Variants in CNNM1 observed in about 807,000 individuals in gnomAD.
CNNM1 encodes the protein metal transporter CNNM1.
CNNM1 carries 44 observed loss-of-function variants against 78.8 expected under a neutral mutation model. That is an observed-to-expected ratio of 0.56 (90% confidence interval 0.44 to 0.72). CNNM1 has a LOEUF of 0.72. Among genes scored for constraint, CNNM1 ranks in the 30% least tolerant of loss-of-function variants. The pLI is 0.00. For missense variants in CNNM1, 1,101 were observed against 1,292.2 expected, an observed-to-expected ratio of 0.85 and a Z score of 2.27; for synonymous variants, 584 against 581.5, an observed-to-expected ratio of 1.00 and a Z score of -0.06.
intron 6 of CNNM1, among the ~76,000 whole-genome samples, chr10:99,367,058 G>A (rs1025129026): frequency 7.9e-5 from 12 of 152,002 alleles, no homozygotes; most frequent in South Asian, 2.1e-4. Flanking sequence ...CATCCTCCCC[G>A]AACCCATACT....
In CNNM1 at chr10:99,393,065, C is replaced by G. The variant is rs1438022524; in HGVS notation, c.*1549C>G. The G allele has an allele frequency of 6.6e-6, 1 of 152,204 alleles. No homozygotes were observed. The highest frequency in any genetic ancestry group is 1.5e-5 in the Non-Finnish European group (1 of 68,050). 9.4% of individuals were successfully genotyped at this position (152,204 alleles called of 1,614,324 possible). A position where few individuals can be genotyped will look rare whatever the true frequency, so the allele number is the denominator to read the frequency against. On this transcript the variant is annotated 3_prime_UTR_variant, in exon 11 of 11. Transcript: ENST00000356713. Reference sequence around the variant, plus strand: ...TAAGTGAAATTTGTCTTCAGAATAACTATCTCCCTTTCTGATCTGTCTCCT... The same window carrying G: ...TAAGTGAAATTTGTCTTCAGAATAAGTATCTCCCTTTCTGATCTGTCTCCT...
At chr10:99,379,769 G>A (rs780549685) in intron 7 of CNNM1, among the ~76,000 whole-genome samples, 1 of 151,798 alleles carries the variant, frequency 6.6e-6, no homozygotes, top group Non-Finnish European at 1.5e-5. Flanking sequence ...ATGAGCCACG[G>A]CACTCAGCCA....
At chr10:99,346,430 T>A (rs2030698994) in intron 1 of CNNM1, among the ~76,000 whole-genome samples, 1 of 152,210 alleles carries the variant, frequency 6.6e-6, no homozygotes, top group Non-Finnish European at 1.5e-5. Flanking sequence ...CCTGGCACAG[T>A]GCCTACCCAT....
chr10:99,369,370 T>C (rs2031730184), intron 6 of CNNM1, among the ~76,000 whole-genome samples: 1 of 152,244 alleles, frequency 6.6e-6, no homozygotes, highest in Non-Finnish European at 1.5e-5. Flanking sequence ...AATGTATTTG[T>C]TAAATTGCCC....
chr10:99,373,759 C>T (rs1275613686), intron 6 of CNNM1, among the ~76,000 whole-genome samples: 2 of 152,062 alleles, frequency 1.3e-5, no homozygotes, highest in African/African-American at 2.4e-5. Flanking sequence ...CCTATGTCCA[C>T]TTGTACATAT....
At chr10:99,340,402 A>G (rs1286453004) in intron 1 of CNNM1, among the ~76,000 whole-genome samples, 1 of 152,220 alleles carries the variant, frequency 6.6e-6, no homozygotes, top group Non-Finnish European at 1.5e-5. Context: ...CTGCAGTTAA[A>G]TTCCATTTTT....
At chr10:99,366,417 AG>A (rs2031620034) in intron 6 of CNNM1, among the ~76,000 whole-genome samples, 1 of 151,988 alleles carries the variant, frequency 6.6e-6, no homozygotes, top group Non-Finnish European at 1.5e-5. Flanking sequence ...GGAAATTCTG[AG>A]AAAAAAAGAC....
At chr10:99,356,453 C>T (rs186226396) in intron 1 of CNNM1, among the ~76,000 whole-genome samples, 5 of 147,632 alleles carry the variant, frequency 3.4e-5, no homozygotes, top group East Asian at 4.0e-4. Context: ...TCCAGCCTGG[C>T]GACAGAGAGA....
At chr10:99,387,730 C>G in intron 7 of CNNM1, 90 bp from the exon 8 acceptor site, 1 of 1,337,060 alleles carries the variant, frequency 7.5e-7, no homozygotes, top group Admixed American at 2.7e-5. Flanking sequence ...CCAAGCACCC[C>G]AGCGAGGCTG....
At chr10:99,358,925 G>C (rs1220098678) in intron 2 of CNNM1, among the ~76,000 whole-genome samples, 1 of 148,676 alleles carries the variant, frequency 6.7e-6, no homozygotes, top group East Asian at 2.0e-4. Context: ...CTTGAGCCTG[G>C]GAGGTCCTGG....
intron 1 of CNNM1, among the ~76,000 whole-genome samples, chr10:99,348,974 G>T (rs893159157): frequency 6.6e-6 from 1 of 152,174 alleles, no homozygotes; most frequent in African/African-American, 2.4e-5. Flanking sequence ...GGAGGCTGAG[G>T]TGGGAGGATC....
At chr10:99,364,098 G>A (rs2031528179) in intron 4 of CNNM1, among the ~76,000 whole-genome samples, 3 of 152,078 alleles carry the variant, frequency 2.0e-5, no homozygotes, top group South Asian at 2.1e-4. Flanking sequence ...AAACCAGTGG[G>A]GCAGTTTATG....
At chr10:99,357,223 A>G (rs1374572395) in intron 1 of CNNM1, among the ~76,000 whole-genome samples, 4 of 152,208 alleles carry the variant, frequency 2.6e-5, no homozygotes, top group Non-Finnish European at 5.9e-5. Flanking sequence ...ATATTATATC[A>G]GCTAACATAT....
chr10:99,329,434 G>A lies in CNNM1; in HGVS notation c.47G>A (p.Arg16Gln), dbSNP rs764714273. Residue 16 changes from arginine (R) to glutamine (Q), a missense_variant, in exon 1 of 11, where the codon CGG (arginine) becomes CAG (glutamine). Arg to Gln is a conservative substitution (Grantham distance 43). Around this residue, in one of 3 missense-constraint regions of CNNM1, gnomAD observed 476 missense variants for 484.5 expected, o/e 0.98. Transcript: ENST00000356713. ...GCAGCAGCGGTGGGTGTCAGGCTCCGGGACTGCTGCAGCCGAGGCGCTGTG... is the reference window on the plus strand; with the variant it reads ...GCAGCAGCGGTGGGTGTCAGGCTCCAGGACTGCTGCAGCCGAGGCGCTGTG... ...AAAAAVGVRL[R>Q]DCCSRGAVLL... is the part of the protein sequence containing the mutation. 1.5e-5 allele frequency: 18 copies of A among 1,194,622 alleles called. No individual in the cohort carries two copies. In the South Asian group the frequency reaches 2.4e-4, roughly 16 times the overall value. The allele number at this position is 1,194,622 out of a possible 1,614,324, so 74.0% of individuals were successfully genotyped here.
chr10:99,357,741 G>T (rs1218046911), intron 2 of CNNM1, 86 bp downstream of exon 2: 2 of 1,361,030 alleles, frequency 1.5e-6, no homozygotes, highest in East Asian at 5.2e-5. Flanking sequence ...TTTATAGAAA[G>T]GGTGTCAGGG....
At chr10:99,341,389 C>T (rs748886014) in intron 1 of CNNM1, among the ~76,000 whole-genome samples, 3 of 151,968 alleles carry the variant, frequency 2.0e-5, no homozygotes, top group Admixed American at 6.6e-5. Flanking sequence ...TACCAGGGCT[C>T]GGCAGATAGA....
At chr10:99,334,717 CTTACTTCCTTGCTTCTCAAGTA>C (rs2030089549) in intron 1 of CNNM1, among the ~76,000 whole-genome samples, 1 of 152,118 alleles carries the variant, frequency 6.6e-6, no homozygotes, top group Non-Finnish European at 1.5e-5. Flanking sequence ...TTCCATTTTC[CTTACTTCCTTGCTTCTCAAGTA>C]ACGTAACCAC....
In CNNM1 at chr10:99,329,580, G is replaced by A. The variant is rs569360605; in HGVS notation, c.193G>A (p.Ala65Thr). ...CCTGGAGGGGGGCACCCTGCGCGCC[G>A]CCGAAGGCACCAGCTTCCTCCTGCG... ...VSLEGGTLRA[A>T]EGTSFLLRVY... The change falls in exon 1 of 11, where the codon GCC becomes ACC. Residue 65 changes from alanine (A) to threonine (T), a missense_variant. Ala to Thr is a moderately conservative substitution (Grantham distance 58). This residue lies in a region of CNNM1 where 476 missense variants were observed against 484.5 expected (regional missense o/e 0.98). Coordinates refer to ENST00000356713, the MANE Select transcript of CNNM1 (RefSeq NM_020348.3). 2.7e-5 allele frequency: 41 copies of A among 1,523,752 alleles called. No homozygotes were observed. The East Asian group carries it at 1.0e-3, about 37-fold the overall frequency. 94.4% of individuals were successfully genotyped at this position (1,523,752 alleles called of 1,614,324 possible). A position where few individuals can be genotyped will look rare whatever the true frequency, so the allele number is the denominator to read the frequency against.
intron 1 of CNNM1, among the ~76,000 whole-genome samples, chr10:99,342,673 AAAC>A (rs965635225): frequency 2.0e-5 from 3 of 151,982 alleles, no homozygotes; most frequent in African/African-American, 4.8e-5. Context: ...GTATAGTTAA[AAAC>A]AACAACAACA....
Sources: gnomAD v4.1 joint callset for allele counts (sites outside exome capture counted in the v4.1 genomes callset) on GRCh38, gnomAD v4.1.1 for gene constraint, gnomAD v4.1.1 regional missense constraint, MANE v1.5 for transcripts, NCBI Gene and HGNC (gene_info 2026-07-23, HGNC 2026-07-21) for gene names.